DPP10: variants seen among roughly 807,000 people sequenced by gnomAD.
The protein encoded by DPP10 is inactive dipeptidyl peptidase 10.
DPP10 carries 33 observed loss-of-function variants against 120.9 expected under a neutral mutation model. That is an observed-to-expected ratio of 0.27 (90% CI 0.21 to 0.37). DPP10 has a LOEUF of 0.37. DPP10 is among the 10% of genes least tolerant of loss of function. The pLI is 1.00. For missense variants in DPP10, 816 were observed against 942.8 expected (o/e 0.87, Z 1.76); for synonymous variants, 337 against 326.1 (o/e 1.03, Z -0.36).
chr2:114,928,776 C>T (rs1363184083), intron 1 of DPP10, among the ~76,000 whole-genome samples: 2 of 152,120 alleles, frequency 1.3e-5, no homozygotes, highest in Admixed American at 6.6e-5. Context: ...ATGTGGAAGC[C>T]TCCAAGCTTT....
chr2:114,568,330 G>A (rs1689370200), intron 1 of DPP10, among the ~76,000 whole-genome samples: 1 of 152,104 alleles, frequency 6.6e-6, no homozygotes, highest in Admixed American at 6.6e-5. Context: ...TGGTTACTTT[G>A]AAATAATCAA....
At chr2:115,658,583 C>G (rs1053629762) in intron 5 of DPP10, among the ~76,000 whole-genome samples, 10 of 152,064 alleles carry the variant, frequency 6.6e-5, no homozygotes, top group Admixed American at 5.9e-4. Flanking sequence ...CTGATTGAAT[C>G]AAATAAATGT....
chr2:115,566,779 A>G (rs1214297952), intron 5 of DPP10, among the ~76,000 whole-genome samples: 4 of 152,146 alleles, frequency 2.6e-5, no homozygotes, highest in Non-Finnish European at 5.9e-5. Flanking sequence ...GTGTACATAC[A>G]TTTTCAAAAT....
intron 1 of DPP10, among the ~76,000 whole-genome samples, chr2:114,984,713 GC>G (rs1362587399): frequency 6.6e-6 from 1 of 152,130 alleles, no homozygotes; most frequent in East Asian, 1.9e-4. Flanking sequence ...CAAAACTTTA[GC>G]ATTATCCTAG....
intron 3 of DPP10, among the ~76,000 whole-genome samples, chr2:115,497,846 A>G (rs1042404854): frequency 6.6e-6 from 1 of 152,114 alleles, no homozygotes; most frequent in African/African-American, 2.4e-5. Flanking sequence ...GAAAAGGAAA[A>G]GGAAGAGAGG....
chr2:115,255,987 C>T (rs538267288), intron 1 of DPP10, among the ~76,000 whole-genome samples: 6 of 152,280 alleles, frequency 3.9e-5, no homozygotes, highest in South Asian at 2.1e-4. Flanking sequence ...GCCGCTTCCA[C>T]GTTTTCGGGT....
At chr2:115,608,045 G>A (rs1223318110) in intron 5 of DPP10, among the ~76,000 whole-genome samples, 1 of 152,066 alleles carries the variant, frequency 6.6e-6, no homozygotes, top group Non-Finnish European at 1.5e-5. Flanking sequence ...GAGACACCAA[G>A]TCAGCTGAGG....
intron 2 of DPP10, among the ~76,000 whole-genome samples, chr2:115,329,881 G>A (rs1178320554): frequency 6.6e-6 from 1 of 152,146 alleles, no homozygotes; most frequent in Non-Finnish European, 1.5e-5. Context: ...ATTGTGAATA[G>A]TGCTGCAGTA....
chr2:115,325,213 C>A (rs1483318349), intron 2 of DPP10, among the ~76,000 whole-genome samples: 2 of 152,042 alleles, frequency 1.3e-5, no homozygotes, highest in Non-Finnish European at 2.9e-5. Context: ...TTGTAAAAAA[C>A]AATGTCTGCA....
intron 4 of DPP10, among the ~76,000 whole-genome samples, chr2:115,509,019 A>G (rs760579887): frequency 6.6e-6 from 1 of 152,200 alleles, no homozygotes; most frequent in Non-Finnish European, 1.5e-5. Context: ...AAAGAATGCC[A>G]TGGTAGTGGG....
At chr2:115,166,268 A>G (rs999622644) in intron 1 of DPP10, among the ~76,000 whole-genome samples, 5 of 151,994 alleles carry the variant, frequency 3.3e-5, no homozygotes, top group Non-Finnish European at 5.9e-5. Context: ...AAACACAACC[A>G]TGAAAAGAGC....
At chr2:114,524,224 TGGA>T (rs1685307489) in intron 1 of DPP10, among the ~76,000 whole-genome samples, 1 of 152,100 alleles carries the variant, frequency 6.6e-6, no homozygotes, top group Non-Finnish European at 1.5e-5. Flanking sequence ...TAAAGAAATG[TGGA>T]GGATGGGTTA....
chr2:115,785,149 C>T (rs1370861434), intron 17 of DPP10, among the ~76,000 whole-genome samples: 2 of 152,152 alleles, frequency 1.3e-5, no homozygotes, highest in African/African-American at 4.8e-5. Flanking sequence ...ATCTTGTAGG[C>T]AACTGGAAAG....
At chr2:115,050,319 T>C (rs1226912480) in intron 1 of DPP10, 1 of 152,160 alleles carries the variant, frequency 6.6e-6, no homozygotes, top group African/African-American at 2.4e-5. Context: ...GTATTTCTAG[T>C]ACAGGTAATC....
chr2:115,575,327 G>C (rs1048089099), intron 5 of DPP10, among the ~76,000 whole-genome samples: 1 of 152,174 alleles, frequency 6.6e-6, no homozygotes, highest in African/African-American at 2.4e-5. Context: ...ATAAGAAAGT[G>C]AGTGTTTGGT....
intron 1 of DPP10, among the ~76,000 whole-genome samples, chr2:115,065,776 C>T (rs966546783): frequency 2.6e-5 from 4 of 152,068 alleles, no homozygotes; most frequent in Admixed American, 1.3e-4. Flanking sequence ...AGTCAATCTA[C>T]ACCCTTTGAT....
intron 1 of DPP10, among the ~76,000 whole-genome samples, chr2:115,007,039 C>A (rs4605379): frequency 0.98 from 148,571 of 152,126 alleles, 72,656 homozygotes; most frequent in Middle Eastern, 1. Context: ...CAGTGCAATC[C>A]AACTAGAACT....
intron 1 of DPP10, among the ~76,000 whole-genome samples, chr2:114,691,067 C>G (rs1270950174): frequency 1.3e-5 from 2 of 152,054 alleles, no homozygotes; most frequent in African/African-American, 4.8e-5. Context: ...ATTCCTTTCT[C>G]TTGCCTAATT....
chr2:115,489,310 T>C (rs1409506413), intron 3 of DPP10, among the ~76,000 whole-genome samples: 1 of 151,736 alleles, frequency 6.6e-6, no homozygotes, highest in Non-Finnish European at 1.5e-5. Context: ...TCTAGTATAC[T>C]GTAAACCAAA....
Sources: gnomAD v4.1 joint callset for allele counts (sites outside exome capture counted in the v4.1 genomes callset) on GRCh38, gnomAD v4.1.1 for gene constraint, MANE v1.5 for transcripts, NCBI Gene and HGNC (gene_info 2026-07-23, HGNC 2026-07-21) for gene names.